RIF1: variants seen among roughly 807,000 people sequenced by gnomAD.
RIF1 encodes the protein telomere-associated protein RIF1.
A neutral mutation model predicts 247.1 loss-of-function variants in RIF1; 45 were observed. The observed-to-expected ratio is 0.18, with a 90% CI of 0.14 to 0.23. RIF1 has a LOEUF of 0.23. Ranked by LOEUF, RIF1 falls within the 10% of genes least tolerant of loss-of-function variation. RIF1 has a pLI of 1.00. For missense variants in RIF1, 2,967 were observed against 2,862.5 expected (o/e 1.04, Z -0.83); for synonymous variants, 1,087 against 978.8 (o/e 1.11, Z -2.06).
intron 1 of RIF1, 65 bp from the exon 2 acceptor site, chr2:151,410,349 C>A: frequency 1.5e-6 from 2 of 1,364,810 alleles, no homozygotes; most frequent in Admixed American, 1.9e-5. Flanking sequence ...CGGACTCACA[C>A]TGGGCCGCCG....
chr2:151,451,279 G>T (rs775059238), intron 20 of RIF1, among the ~76,000 whole-genome samples: 41 of 152,144 alleles, frequency 2.7e-4, no homozygotes, highest in Non-Finnish European at 5.6e-4. Context: ...AGAGTATTCA[G>T]TATAGTAACT....
At chr2:151,521,109 T>C in the RIF1 span, among the ~76,000 whole-genome samples, 1 of 152,118 alleles carries the variant, frequency 6.6e-6, no homozygotes, top group Non-Finnish European at 1.5e-5. Flanking sequence ...ATTGTTAAGA[T>C]GAAAGACTCA....
rs905562176 is a variant in RIF1, at chr2:151,493,184, A to G, written c.*416-2045A>G. 11 of 572,060 alleles carry G rather than the reference A, an allele frequency of 1.9e-5. No individual in the cohort carries two copies. The African/African-American group carries it at 2.1e-4, about 11-fold the overall frequency. 35.4% of individuals were successfully genotyped at this position (572,060 alleles called of 1,614,324 possible). On this transcript the variant is annotated intron_variant and NMD_transcript_variant, in intron 9 of 13. Transcript: ENST00000454583. ...CTATTTTAGTGTAAATTTTCAGTTG[A>G]ATAAGTGCAAATTTTTATGGTGTTA...
chr2:151,427,121 GGTTTATA>G (rs1689237226), intron 8 of RIF1, among the ~76,000 whole-genome samples: 1 of 151,360 alleles, frequency 6.6e-6, no homozygotes, highest in Non-Finnish European at 1.5e-5. Context: ...GATTATATGT[GGTTTATA>G]GCCTGTTAGG....
Position 151,463,254 on chromosome 2 carries a change from C to T in RIF1, c.3734C>T (p.Ser1245Leu), listed in dbSNP as rs1285263370. Residue 1245 changes from serine (S) to leucine (L), a missense_variant, in exon 30 of 36, where the codon TCA becomes TTA. Transcript: ENST00000444746. ...FSPSPLNNIS[S>L]TVTVKNNQET... ...CCATCCCCCTTGAATAATATTTCAT[C>T]AACTGTTACAGTGAAAAATAACCAG... The T allele has an allele frequency of 1.2e-6, 2 of 1,613,400 alleles. No homozygotes were observed. Among genetic ancestry groups the T allele is most frequent in the African/African-American group, 2.7e-5 (2 of 74,852 alleles).
At chr2:151,444,677 ATTCT>A (rs1558980039) in intron 18 of RIF1, among the ~76,000 whole-genome samples, 2 of 152,184 alleles carry the variant, frequency 1.3e-5, no homozygotes, top group African/African-American at 4.8e-5. Context: ...AGTCATTTAC[ATTCT>A]TAAATAGCTC....
At chr2:151,496,104 GTTA>G (rs1046991275) in intron 10 of RIF1, among the ~76,000 whole-genome samples, 5 of 152,186 alleles carry the variant, frequency 3.3e-5, no homozygotes, top group Non-Finnish European at 4.4e-5. Flanking sequence ...AAGCAACCTT[GTTA>G]TTATGGGGTT....
intron 34 of RIF1, among the ~76,000 whole-genome samples, chr2:151,471,730 T>G (rs2048546688): frequency 6.6e-6 from 1 of 152,182 alleles, no homozygotes; most frequent in African/African-American, 2.4e-5. Context: ...TTGGCTTATA[T>G]CTCTGTTTTG....
chr2:151,489,426 TCTCC>T (rs752930244), intron 9 of RIF1, among the ~76,000 whole-genome samples: 4 of 152,124 alleles, frequency 2.6e-5, no homozygotes, highest in Non-Finnish European at 5.9e-5. Flanking sequence ...TGAGACAGGG[TCTCC>T]CTCTGTCATC....
downstream of RIF1, chr2:151,512,715 C>A: frequency 6.4e-7 from 1 of 1,553,564 alleles, no homozygotes; most frequent in South Asian, 1.1e-5. Context: ...TGAGTGATGG[C>A]ATGACGAATG....
In RIF1 at chr2:151,490,069, G is replaced by GT; in HGVS notation, c.*416-5157dup. 1 of 1,601,882 alleles carries GT rather than the reference G, an allele frequency of 6.2e-7. No individual in the cohort carries two copies. The highest frequency in any genetic ancestry group is 2.2e-5 in the East Asian group (1 of 44,778). On this transcript the variant is annotated intron_variant and NMD_transcript_variant, in intron 9 of 13. Transcript: ENST00000454583. ...TGTGGGAGCTCTGTGGTTTTTGCATGTTTGTAAGCTGAAAAAAAGGGGGCA... is the reference window on the plus strand; with the variant it reads ...TGTGGGAGCTCTGTGGTTTTTGCATGTTTTGTAAGCTGAAAAAAAGGGGGCA...
In RIF1 at chr2:151,478,629, TGGTG is replaced by T. The variant is rs1350861015; in HGVS notation, c.*3561_*3564del. 3 of 151,428 alleles carry T rather than the reference TGGTG, an allele frequency of 2.0e-5. No individual in the cohort carries two copies. Among genetic ancestry groups the T allele is most frequent in the Non-Finnish European group, 4.4e-5 (3 of 67,920 alleles). 9.4% of individuals were successfully genotyped at this position (151,428 alleles called of 1,614,324 possible). ...AGGCAAGAAACAAAATTGGGGGAAA[TGGTG>T]GGGATCGTGAATATATAAGTGAAGT... On this transcript the variant is annotated 3_prime_UTR_variant, in exon 36 of 36. Transcript: ENST00000444746.
chr2:151,466,152 C>G (rs751949038), intron 30 of RIF1, 32 bp downstream of exon 30: 7 of 1,357,410 alleles, frequency 5.2e-6, no homozygotes. Context: ...ATTAAGGAAC[C>G]CAGTATTTGG....
intron 20 of RIF1, among the ~76,000 whole-genome samples, chr2:151,450,549 T>G (rs577402052): frequency 6.6e-6 from 1 of 152,286 alleles, no homozygotes; most frequent in African/African-American, 2.4e-5. Context: ...TGAAAATTTG[T>G]GTCAAATGTG....
downstream of RIF1, chr2:151,486,033 T>A: frequency 8.1e-7 from 1 of 1,234,174 alleles, no homozygotes; most frequent in Non-Finnish European, 1.1e-6. Flanking sequence ...TCCACAAACT[T>A]AAGTTGAACA....
At chr2:151,493,037 G>A (rs1046375865) in intron 9 of RIF1, 10 of 272,178 alleles carry the variant, frequency 3.7e-5, no homozygotes, top group Middle Eastern at 1.3e-3. Flanking sequence ...GAGGATGTTA[G>A]GAAGTAAATT....
At chr2:151,446,354 A>T (rs1693273450) in intron 19 of RIF1, 72 bp from the exon 20 acceptor site, 2 of 1,328,932 alleles carry the variant, frequency 1.5e-6, no homozygotes, top group African/African-American at 1.5e-5. Context: ...AATGTTAAAG[A>T]TGTATTGATT....
rs761667742 is a variant in RIF1, at chr2:151,463,164, C to T, written c.3644C>T (p.Thr1215Ile). ...GTTGCTGGAACTCCCCCATACCCTACAAGTCGGAGGCAAACCTTTATTACT... is the reference window on the plus strand; with the variant it reads ...GTTGCTGGAACTCCCCCATACCCTATAAGTCGGAGGCAAACCTTTATTACT... ...TTVAGTPPYPTSRRQTFITLE... is the reference protein window; with the variant it reads ...TTVAGTPPYPISRRQTFITLE... Residue 1215 changes from threonine to isoleucine, a missense_variant, in exon 30 of 36, where the codon ACA (threonine) becomes ATA (isoleucine). Physicochemically the swap from Thr to Ile is moderately conservative, Grantham distance 89 (BLOSUM62 -1). Transcript: ENST00000444746. 8.7e-6 allele frequency: 14 copies of T among 1,614,048 alleles called. No homozygotes were observed. Among genetic ancestry groups the T allele is most frequent in the African/African-American group, 1.3e-5 (1 of 74,932 alleles).
At chr2:151,485,184 A>G (rs1030153020), downstream of RIF1, among the ~76,000 whole-genome samples, 31 of 152,236 alleles carry the variant, frequency 2.0e-4, no homozygotes, top group African/African-American at 7.2e-4. Context: ...GCAAGTATAG[A>G]TAGAATTTTG....
Sources: allele counts gnomAD v4.1 joint callset (sites outside exome capture counted in the v4.1 genomes callset), GRCh38; gene constraint gnomAD v4.1.1; transcripts MANE v1.5; gene names NCBI Gene and HGNC (gene_info 2026-07-23, HGNC 2026-07-21).